Variants in MYH10 observed in about 807,000 individuals in gnomAD.
MYH10 encodes the protein myosin-10.
In MYH10, 55 loss-of-function variants were observed where a neutral mutation model predicts 257.8. The ratio of observed to expected loss-of-function variants is 0.21; its 90% confidence interval spans 0.17 to 0.27. MYH10 has a LOEUF of 0.27. Ranked by LOEUF, MYH10 falls within the 10% of genes least tolerant of loss-of-function variation. The probability of loss-of-function intolerance (pLI) is 1.00; values close to 1 mark genes in which losing one functional copy is unlikely to be tolerated. For missense variants in MYH10, 1,631 were observed against 2,500.6 expected (o/e 0.65, Z 7.42); for synonymous variants, 854 against 921.7 (o/e 0.93, Z 1.33).
intron 7 of MYH10, chr17:8,561,472 A>G (rs1178696003): frequency 8.2e-6 from 11 of 1,347,574 alleles, no homozygotes; most frequent in Non-Finnish European, 1.2e-5. Context: ...AATTCACAGC[A>G]AAGTAGTCAG....
intron 3 of MYH10, among the ~76,000 whole-genome samples, chr17:8,595,030 C>T (rs2084309081): frequency 6.6e-6 from 1 of 152,138 alleles, no homozygotes. Flanking sequence ...ATGTTCTTTA[C>T]ATGGTGAGTG....
chr17:8,511,035 T>TATATAC (rs1555578954), intron 24 of MYH10: 1 of 51,792 alleles, frequency 1.9e-5, no homozygotes, highest in African/African-American at 9.4e-5. Context: ...TATATATATA[T>TATATAC]ATATATATAT....
chr17:8,601,892 A>C (rs2084615886), intron 3 of MYH10, among the ~76,000 whole-genome samples: 2 of 152,334 alleles, frequency 1.3e-5, no homozygotes, highest in South Asian at 4.1e-4. Flanking sequence ...AATACACTTA[A>C]AGATGTGGGA....
At chr17:8,593,223 T>C (rs1392055461) in intron 3 of MYH10, among the ~76,000 whole-genome samples, 1 of 151,858 alleles carries the variant, frequency 6.6e-6, no homozygotes, top group African/African-American at 2.4e-5. Context: ...ACCCTACAGT[T>C]AATATCCTCT....
chr17:8,515,247 C>A (rs1056670405), intron 21 of MYH10, among the ~76,000 whole-genome samples: 1 of 151,978 alleles, frequency 6.6e-6, no homozygotes, highest in Non-Finnish European at 1.5e-5. Context: ...CAATTGAAGG[C>A]GATGGAAAAA....
intron 40 of MYH10, 83 bp downstream of exon 40, chr17:8,480,027 C>CA (rs1913419803): frequency 4.6e-6 from 6 of 1,299,416 alleles, no homozygotes; most frequent in South Asian, 1.3e-5. Flanking sequence ...TGGTGGGGAG[C>CA]CCCCCCGAAA....
In MYH10 at chr17:8,542,169, C is replaced by G; in HGVS notation, c.1543G>C (p.Glu515Gln). The change falls in exon 14 of 43, where the codon GAG becomes CAG. Residue 515 changes from glutamate (E) to glutamine (Q), a missense_variant. Physicochemically the swap from Glu to Gln is conservative, Grantham distance 29 (BLOSUM62 2). Transcript: ENST00000360416. ...EQEEYQREGIEWNFIDFGLDL... is the reference protein window; with the variant it reads ...EQEEYQREGIQWNFIDFGLDL... ...AGCCCGAAATCGATGAAGTTCCACT[C>G]GATGCCTTCGCGCTGGTATTCCTCT... 1 of 1,614,098 alleles carries G rather than the reference C, an allele frequency of 6.2e-7. No individual in the cohort carries two copies. Among genetic ancestry groups the G allele is most frequent in the Non-Finnish European group, 8.5e-7 (1 of 1,180,022 alleles).
chr17:8,567,965 C>G (rs1050184584), intron 7 of MYH10, among the ~76,000 whole-genome samples: 1 of 152,138 alleles, frequency 6.6e-6, no homozygotes, highest in Non-Finnish European at 1.5e-5. Context: ...CTCCTTGGAC[C>G]CTTGCCGGCG....
chr17:8,504,273 C>T lies in MYH10; in HGVS notation c.3599+421G>A, dbSNP rs1262810808. ...CCTTCCCTTTTCAGCTGGTTACCTACACCGTTCACACCACCTAGCACTGCC... is the reference window on the plus strand; with the variant it reads ...CCTTCCCTTTTCAGCTGGTTACCTATACCGTTCACACCACCTAGCACTGCC... On this transcript the variant is annotated intron_variant, in intron 28 of 42. Coordinates refer to ENST00000360416, the MANE Select transcript of MYH10 (RefSeq NM_001256012.3). The surrounding 1 kb of genome is among the most constrained non-coding windows in gnomAD (Gnocchi z 5.6). Among the ~76,000 whole-genome samples the T allele has an allele frequency of 6.6e-6, 1 of 152,250 alleles. No homozygotes were observed. The highest frequency in any genetic ancestry group is 1.5e-5 in the Non-Finnish European group (1 of 68,006).
chr17:8,577,821 T>C (rs780653339), intron 4 of MYH10, among the ~76,000 whole-genome samples: 1 of 152,202 alleles, frequency 6.6e-6, no homozygotes, highest in Non-Finnish European at 1.5e-5. Context: ...CCTGAGCCAC[T>C]GTGCCCAGCC....
In MYH10 at chr17:8,480,326, GGA is replaced by G. The variant is rs1401771702; in HGVS notation, c.5389-10_5389-9del. On this transcript the variant is annotated splice_polypyrimidine_tract_variant and intron_variant, in intron 39 of 42. Coordinates refer to ENST00000360416, the MANE Select transcript of MYH10 (RefSeq NM_001256012.3). ...GGCGTTCAGTGTGTCCACCTAGAGA[GGA>G]GAGAGGAGTTTAGTCACTTGTGCCT... 4 of 1,613,812 alleles carry G rather than the reference GGA, an allele frequency of 2.5e-6. No individual in the cohort carries two copies. Among genetic ancestry groups the G allele is most frequent in the African/African-American group, 1.3e-5 (1 of 75,050 alleles).
intron 6 of MYH10, among the ~76,000 whole-genome samples, chr17:8,572,355 G>A (rs2083379172): frequency 6.6e-6 from 1 of 151,296 alleles, no homozygotes; most frequent in Non-Finnish European, 1.5e-5. Context: ...TGCCTAACTC[G>A]GTCAGTATCA....
chr17:8,509,976 G>C, intron 24 of MYH10, 27 bp from the exon 25 acceptor site: 1 of 1,566,868 alleles, frequency 6.4e-7, no homozygotes, highest in Non-Finnish European at 8.6e-7. Flanking sequence ...AGTCAGTCTC[G>C]CCACTTTCTC....
Position 8,545,966 on chromosome 17 carries a change from G to A in MYH10, c.1279-366C>T, listed in dbSNP as rs572888095. On this transcript the variant is annotated intron_variant, in intron 12 of 42. Coordinates refer to ENST00000360416, the MANE Select transcript of MYH10 (RefSeq NM_001256012.3). The surrounding 1 kb of genome is among the most constrained non-coding windows in gnomAD (Gnocchi z 4.7). ...CCCTTGTGTTGGTCTGGTTCCCGAA[G>A]TATGCAGATTTGTCTACTGGATTAT... 6.6e-6 allele frequency among the ~76,000 whole-genome samples: 1 copy of A among 152,246 alleles called. No individual in the cohort carries two copies. Among genetic ancestry groups the A allele is most frequent in the East Asian group, 1.9e-4 (1 of 5,178 alleles).
At position 8,500,881 on chromosome 17, in the gene MYH10, T is replaced by C; in HGVS notation, c.3689A>G (p.Gln1230Arg). Reference protein sequence around the residue: ...NHEAQIQDMRQRHATALEELS... With the variant: ...NHEAQIQDMRRRHATALEELS... ...CTCCTCCAGGGCTGTTGCGTGTCTT[T>C]GTCTCATGTCCTGGATTTGAGCTTC... The change falls in exon 29 of 43, where the codon CAA becomes CGA. Residue 1230 changes from glutamine (Q) to arginine (R), a missense_variant. Transcript: ENST00000360416. 3 of 1,614,128 alleles carry C rather than the reference T, an allele frequency of 1.9e-6. No individual in the cohort carries two copies. The highest frequency in any genetic ancestry group is 2.5e-6 in the Non-Finnish European group (3 of 1,180,044).
At chr17:8,598,310 C>T (rs1019998534) in intron 3 of MYH10, among the ~76,000 whole-genome samples, 39 of 152,188 alleles carry the variant, frequency 2.6e-4, no homozygotes, top group African/African-American at 8.9e-4. Context: ...GTTCTATATA[C>T]TCTTTGTCAT....
At chr17:8,478,500 GA>G in intron 40 of MYH10, 54 bp from the exon 41 acceptor site, 1 of 1,545,728 alleles carries the variant, frequency 6.5e-7, no homozygotes, top group Non-Finnish European at 8.9e-7. Flanking sequence ...TTTTGTGTGG[GA>G]AAAAATATTT....
intron 1 of MYH10, among the ~76,000 whole-genome samples, chr17:8,630,086 C>T (rs1327459076): frequency 6.6e-6 from 1 of 152,010 alleles, no homozygotes; most frequent in African/African-American, 2.4e-5. Context: ...CAGGCCTAAC[C>T]CACCCAGCAA....
chr17:8,480,937 G>A (rs532476456), intron 38 of MYH10, among the ~76,000 whole-genome samples: 2 of 1,602 alleles, frequency 1.2e-3, no homozygotes, highest in Non-Finnish European at 4.3e-3. Flanking sequence ...TCAAAAAGGC[G>A]CATGATGGAC....
Sources: gnomAD v4.1 joint callset for allele counts (sites outside exome capture counted in the v4.1 genomes callset) on GRCh38, gnomAD v4.1.1 for gene constraint, Gnocchi (gnomAD v3.1) non-coding constraint, MANE v1.5 for transcripts, NCBI Gene and HGNC (gene_info 2026-07-23, HGNC 2026-07-21) for gene names.